The following WDPCP variants were observed in gnomAD, a reference collection of about 807,000 sequenced individuals.
WDPCP encodes WD repeat-containing and planar cell polarity effector protein fritz homolog.
In WDPCP, 71 loss-of-function variants were observed where a neutral mutation model predicts 93.1. That is an observed-to-expected ratio of 0.76 (90% CI 0.63 to 0.93). The LOEUF (loss-of-function observed/expected upper bound fraction) is 0.93. Among genes scored for constraint, WDPCP ranks in the 40% least tolerant of loss-of-function variants. WDPCP has a pLI of 0.00. For missense variants in WDPCP, 844 were observed against 887.4 expected (o/e 0.95, Z 0.62); for synonymous variants, 315 against 315.0 (o/e 1.00, Z 0.00).
rs542989484 is a variant in WDPCP at position 63,468,695 on chromosome 2, T to G, written c.384+15909A>C. Among the ~76,000 whole-genome samples the G allele has an allele frequency of 9.9e-5, 15 of 152,172 alleles. No homozygotes were observed. In the South Asian group the frequency reaches 2.9e-3, roughly 29 times the overall value. ...GTCATCAGATACCAGGCACCTACGT[T>G]CTATTCCCTCCCCCCTTAGCAGGTA... is the stretch of plus-strand genomic sequence containing the variant. On this transcript the variant is annotated intron_variant, in intron 6 of 17. Transcript: ENST00000272321.
intron 1 of WDPCP, among the ~76,000 whole-genome samples, chr2:63,555,075 T>C (rs1705988011): frequency 6.6e-6 from 1 of 152,260 alleles, no homozygotes; most frequent in Non-Finnish European, 1.5e-5. Flanking sequence ...GGCTGGAGAC[T>C]GCCTAAGACT....
intron 9 of WDPCP, 86 bp downstream of exon 9, chr2:63,433,658 AT>A (rs2105464814): frequency 1.8e-5 from 23 of 1,302,324 alleles, no homozygotes; most frequent in East Asian, 5.1e-5. Context: ...TAGGTAAAAA[AT>A]ATTCACATTT....
chr2:63,272,808 T>C (rs1237441840), intron 13 of WDPCP, among the ~76,000 whole-genome samples: 1 of 152,204 alleles, frequency 6.6e-6, no homozygotes, highest in Non-Finnish European at 1.5e-5. Context: ...GGCGACAATA[T>C]GGGCAAAGGT....
At chr2:63,279,139 C>A (rs181537664) in intron 13 of WDPCP, among the ~76,000 whole-genome samples, 4 of 151,932 alleles carry the variant, frequency 2.6e-5, no homozygotes, top group African/African-American at 9.7e-5. Context: ...TCTATGAAAC[C>A]AGTATCACCA....
intron 13 of WDPCP, among the ~76,000 whole-genome samples, chr2:63,267,004 C>T (rs1200092319): frequency 6.6e-6 from 1 of 151,798 alleles, no homozygotes; most frequent in Non-Finnish European, 1.5e-5. Flanking sequence ...AATATGGAAC[C>T]AGATAATACC....
At chr2:63,444,079 AG>A (rs1326082109) in intron 6 of WDPCP, among the ~76,000 whole-genome samples, 1 of 152,174 alleles carries the variant, frequency 6.6e-6, no homozygotes, top group Non-Finnish European at 1.5e-5. Flanking sequence ...TAGTATTTAA[AG>A]CCATGGTACT....
rs769902850 is a variant in WDPCP at position 63,138,597 on chromosome 2, C to T, written c.2190+14317G>A. Among the ~76,000 whole-genome samples the T allele has an allele frequency of 4.0e-4, 61 of 151,874 alleles. 1 individual carries two copies. Among genetic ancestry groups the T allele is most frequent in the Middle Eastern group, 3.4e-3 (1 of 294 alleles). On this transcript the variant is annotated intron_variant, in intron 17 of 17. Coordinates refer to ENST00000272321, the MANE Select transcript of WDPCP (RefSeq NM_015910.7). ...CCTCCCCCATAGCTGGGACTACAGG[C>T]GCCCGTCACCTCGCCCGGCTAATTT...
intron 2 of WDPCP, among the ~76,000 whole-genome samples, chr2:63,728,900 C>T (rs143538150): frequency 1.1e-4 from 16 of 152,272 alleles, no homozygotes; most frequent in Non-Finnish European, 1.0e-4. Flanking sequence ...TTCATCCAAT[C>T]GCTATTTAGG....
At chr2:63,753,206 C>T (rs997836889) in intron 2 of WDPCP, among the ~76,000 whole-genome samples, 11 of 151,898 alleles carry the variant, frequency 7.2e-5, no homozygotes, top group African/African-American at 1.2e-4. Flanking sequence ...CCGAGGCGGG[C>T]GGGTCACCAA....
chr2:63,535,230 A>C (rs367598987), intron 1 of WDPCP, among the ~76,000 whole-genome samples: 3 of 152,138 alleles, frequency 2.0e-5, no homozygotes, highest in Non-Finnish European at 2.9e-5. Flanking sequence ...ACAAATGGAA[A>C]AACATTCCAT....
chr2:63,606,873 G>C (rs1204897825), intron 3 of WDPCP: 2 of 1,610,570 alleles, frequency 1.2e-6, no homozygotes, highest in South Asian at 1.1e-5. Context: ...ATAAGACCTG[G>C]AAGTTTGTTG....
chr2:63,189,674 A>G (rs1036737677), intron 14 of WDPCP, among the ~76,000 whole-genome samples: 1 of 152,130 alleles, frequency 6.6e-6, no homozygotes, highest in Non-Finnish European at 1.5e-5. Flanking sequence ...CCTTTTCCCA[A>G]TCCTTACTGT....
intron 2 of WDPCP, among the ~76,000 whole-genome samples, chr2:63,766,222 C>G (rs1670134690): frequency 6.6e-6 from 1 of 152,176 alleles, no homozygotes; most frequent in African/African-American, 2.4e-5. Flanking sequence ...ATCAGTGAGT[C>G]TCATCCCTCC....
At chr2:63,571,706 AAATATT>A (rs1437834033) in intron 1 of WDPCP, 1 of 454,910 alleles carries the variant, frequency 2.2e-6, no homozygotes, top group Admixed American at 2.5e-5. Flanking sequence ...GAAAAGTTTT[AAATATT>A]CAAACATTCT....
chr2:63,123,954 A>C (rs2153394995), intron 17 of WDPCP, among the ~76,000 whole-genome samples: 1 of 150,174 alleles, frequency 6.7e-6, no homozygotes, highest in Middle Eastern at 3.5e-3. Context: ...TAATGTTCCT[A>C]CATAGTCTGT....
intron 2 of WDPCP, among the ~76,000 whole-genome samples, chr2:63,798,454 T>G (rs576330173): frequency 3.3e-5 from 5 of 152,234 alleles, no homozygotes; most frequent in Non-Finnish European, 7.4e-5. Context: ...ATTAGTTTTC[T>G]TTTTGCTTGT....
At chr2:63,409,481 C>G (rs1558592427) in intron 9 of WDPCP, among the ~76,000 whole-genome samples, 1 of 152,140 alleles carries the variant, frequency 6.6e-6, no homozygotes, top group Non-Finnish European at 1.5e-5. Context: ...TAACAGGACA[C>G]AACAAGGCTC....
At chr2:63,623,447 T>TA (rs928296018) in intron 3 of WDPCP, among the ~76,000 whole-genome samples, 34 of 150,326 alleles carry the variant, frequency 2.3e-4, no homozygotes, top group African/African-American at 8.1e-4. Flanking sequence ...ACCTCGCGTG[T>TA]AAAGACACAT....
At chr2:63,371,443 A>G (rs997750786) in intron 12 of WDPCP, among the ~76,000 whole-genome samples, 1 of 152,028 alleles carries the variant, frequency 6.6e-6, no homozygotes, top group Admixed American at 6.6e-5. Flanking sequence ...GTTTCAAATC[A>G]TCTATTGAGT....
Sources: allele counts gnomAD v4.1 joint callset (sites outside exome capture counted in the v4.1 genomes callset), GRCh38; gene constraint gnomAD v4.1.1; transcripts MANE v1.5; gene names NCBI Gene and HGNC (gene_info 2026-07-23, HGNC 2026-07-21).